Variants in EPHA3 observed in about 807,000 individuals in gnomAD.
EPHA3 encodes EPH receptor A3, also known as ephrin type-A receptor 3.
A neutral mutation model predicts 107.1 loss-of-function variants in EPHA3; 42 were observed. The observed-to-expected ratio is 0.39, with a 90% CI of 0.31 to 0.51. The LOEUF (loss-of-function observed/expected upper bound fraction) is 0.51, where lower values mean the gene tolerates loss of function less well. EPHA3 is among the 20% of genes least tolerant of loss of function. The pLI is 0.78. For synonymous variants in EPHA3, 461 were observed against 424.8 expected (o/e 1.09, Z -1.05); for missense variants, 1,183 against 1,211.2 (o/e 0.98, Z 0.35).
intron 7 of EPHA3, among the ~76,000 whole-genome samples, chr3:89,406,899 A>C (rs1709065938): frequency 1.3e-5 from 2 of 152,128 alleles, no homozygotes; most frequent in African/African-American, 4.8e-5. Flanking sequence ...TATGCTGAGA[A>C]ATCTTCCTCT....
chr3:89,389,050 CT>C (rs1708676158), intron 5 of EPHA3, among the ~76,000 whole-genome samples: 1 of 152,120 alleles, frequency 6.6e-6, no homozygotes, highest in South Asian at 2.1e-4. Flanking sequence ...GAAAGTTGAG[CT>C]GATTGGCAAG....
chr3:89,190,009 A>G (rs1705669352), intron 2 of EPHA3, among the ~76,000 whole-genome samples: 1 of 152,174 alleles, frequency 6.6e-6, no homozygotes, highest in Non-Finnish European at 1.5e-5. Context: ...CTCGTTCAGA[A>G]ATTTAAACCT....
chr3:89,205,301 G>A (rs953607842), intron 2 of EPHA3, among the ~76,000 whole-genome samples: 1 of 152,090 alleles, frequency 6.6e-6, no homozygotes, highest in South Asian at 2.1e-4. Context: ...TGATATACTA[G>A]CATAATAGTT....
At chr3:89,457,798 G>A (rs188612880) in intron 15 of EPHA3, among the ~76,000 whole-genome samples, 67 of 152,324 alleles carry the variant, frequency 4.4e-4, no homozygotes, top group Non-Finnish European at 4.4e-5. Flanking sequence ...ATTCATACGA[G>A]AGAATTAAGC....
chr3:89,356,748 A>G (rs1490911617), intron 5 of EPHA3, among the ~76,000 whole-genome samples: 3 of 151,126 alleles, frequency 2.0e-5, no homozygotes, highest in Non-Finnish European at 4.4e-5. Flanking sequence ...AATGGAAATG[A>G]CTGATTGAAA....
At chr3:89,341,197 C>T in intron 4 of EPHA3, 126 bp downstream of exon 4, 1 of 958,440 alleles carries the variant, frequency 1.0e-6, no homozygotes, top group Non-Finnish European at 1.5e-6. Flanking sequence ...AAATTGAAAG[C>T]TTTCTCTGCT....
intron 16 of EPHA3, 39 bp from the exon 17 acceptor site, chr3:89,479,358 C>G: frequency 6.5e-7 from 1 of 1,534,980 alleles, no homozygotes; most frequent in East Asian, 2.2e-5. Context: ...TATACACTAT[C>G]GAGGAAACCG....
intron 3 of EPHA3, among the ~76,000 whole-genome samples, chr3:89,254,331 C>G (rs1705228529): frequency 1.3e-5 from 2 of 152,124 alleles, no homozygotes; most frequent in Admixed American, 1.3e-4. Context: ...ACATTTACTT[C>G]TGTGATTAGC....
chr3:89,116,609 G>A (rs1576159939), intron 1 of EPHA3, among the ~76,000 whole-genome samples: 1 of 151,206 alleles, frequency 6.6e-6, no homozygotes, highest in Admixed American at 6.6e-5. Flanking sequence ...TGCATTAATT[G>A]CTGCAATAAA....
rs1710615776 is a variant in EPHA3, at chr3:89,481,221, A to G, written c.*1719A>G. The G allele has an allele frequency of 8.6e-6, 2 of 232,140 alleles. No homozygotes were observed. Among genetic ancestry groups the G allele is most frequent in the African/African-American group, 4.4e-5 (2 of 45,296 alleles). 14.4% of individuals were successfully genotyped at this position (232,140 alleles called of 1,614,324 possible). A position where few individuals can be genotyped will look rare whatever the true frequency, so the allele number is the denominator to read the frequency against. On this transcript the variant is annotated 3_prime_UTR_variant, in exon 17 of 17. Transcript: ENST00000336596. ...CGCAAATCAAAACTCACAAGTGCTC[A>G]TCTGTTGTAGATTTAGTGTAATAAG...
chr3:89,389,536 C>G (rs1708684531), intron 5 of EPHA3, among the ~76,000 whole-genome samples: 1 of 152,152 alleles, frequency 6.6e-6, no homozygotes, highest in Non-Finnish European at 1.5e-5. Flanking sequence ...TAGAAATTCC[C>G]AAATCTAGAA....
intron 3 of EPHA3, among the ~76,000 whole-genome samples, chr3:89,245,441 T>C (rs74533221): frequency 0.02 from 3,026 of 152,334 alleles, 67 homozygotes; most frequent in Admixed American, 0.048. Context: ...CCTTATGATA[T>C]GGTTTTATAT....
intron 2 of EPHA3, among the ~76,000 whole-genome samples, chr3:89,182,664 C>T (rs765199760): frequency 3.7e-4 from 56 of 151,684 alleles, no homozygotes; most frequent in Non-Finnish European, 3.8e-4. Flanking sequence ...TTGTGTGGTG[C>T]GTGCATAGGC....
chr3:89,386,970 C>T (rs116811149), intron 5 of EPHA3, among the ~76,000 whole-genome samples: 2,425 of 152,244 alleles, frequency 0.016, 63 homozygotes, highest in African/African-American at 0.055. Flanking sequence ...AGCCAATGGC[C>T]GTACCCTCAT....
At chr3:89,189,912 AT>A (rs2107138052) in intron 2 of EPHA3, among the ~76,000 whole-genome samples, 1 of 152,242 alleles carries the variant, frequency 6.6e-6, no homozygotes, top group African/African-American at 2.4e-5. Context: ...TTGCATTGAG[AT>A]TTAATACTGG....
At chr3:89,429,776 GGCAATGGTGCAATGGTGCAATGGT>G (rs202240466) in intron 12 of EPHA3, among the ~76,000 whole-genome samples, 1 of 150,352 alleles carries the variant, frequency 6.7e-6, no homozygotes, top group Non-Finnish European at 1.5e-5. Flanking sequence ...TTGTTGCCCA[GGCAATGGTGCAATGGTGCAATGGT>G]GCAATGGTGC....
Position 89,210,391 on chromosome 3 carries a change from T to G in EPHA3, c.685T>G (p.Ser229Ala), listed in dbSNP as rs1475149451. The G allele has an allele frequency of 6.2e-7, 1 of 1,613,640 alleles. No homozygotes were observed. Among genetic ancestry groups the G allele is most frequent in the African/African-American group, 1.3e-5 (1 of 74,836 alleles). ...DSQSLVEVRG[S>A]CVNNSKEEDP... is the part of the protein sequence containing the mutation. The stretch of plus-strand genomic sequence containing the variant: ...CCAGTCCCTGGTGGAGGTTAGAGGG[T>G]CTTGTGTCAACAATTCTAAGGAGGA... The change falls in exon 3 of 17, where the codon TCT becomes GCT. Residue 229 changes from serine to alanine, a missense_variant. Physicochemically the swap from Ser to Ala is moderately conservative, Grantham distance 99 (BLOSUM62 1). Coordinates refer to ENST00000336596, the MANE Select transcript of EPHA3 (RefSeq NM_005233.6).
At chr3:89,259,143 A>AT (rs904287523) in intron 3 of EPHA3, among the ~76,000 whole-genome samples, 1 of 152,120 alleles carries the variant, frequency 6.6e-6, no homozygotes, top group South Asian at 2.1e-4. Context: ...TCAAAATATT[A>AT]TTTTTTAAAT....
chr3:89,446,854 G>C (rs1709886481), intron 13 of EPHA3, among the ~76,000 whole-genome samples: 1 of 152,076 alleles, frequency 6.6e-6, no homozygotes, highest in Non-Finnish European at 1.5e-5. Context: ...TCTGGAAAAA[G>C]AGAAGTAGCA....
Sources: allele counts gnomAD v4.1 joint callset (sites outside exome capture counted in the v4.1 genomes callset), GRCh38; gene constraint gnomAD v4.1.1; transcripts MANE v1.5; gene names NCBI Gene and HGNC (gene_info 2026-07-23, HGNC 2026-07-21).